S1PR2: variants seen among roughly 807,000 people sequenced by gnomAD.
The protein encoded by S1PR2 is sphingosine-1-phosphate receptor 2, also known as sphingosine 1-phosphate receptor 2.
In S1PR2, 9 loss-of-function variants were observed where a neutral mutation model predicts 16.1. The observed-to-expected ratio is 0.56, with a 90% confidence interval of 0.34 to 0.98. The LOEUF is 0.98. S1PR2 is among the 50% of genes least tolerant of loss of function. The probability of loss-of-function intolerance (pLI) is 0.02; values close to 1 mark genes in which losing one functional copy is unlikely to be tolerated. For synonymous variants in S1PR2, 224 were observed against 233.9 expected, an observed-to-expected ratio of 0.96 and a Z score of 0.38; for missense variants, 361 against 488.4, an observed-to-expected ratio of 0.74 and a Z score of 2.46.
chr19:10,230,613 C>T (rs1414460512), intron 1 of S1PR2: 5 of 153,128 alleles, frequency 3.3e-5, no homozygotes, highest in Middle Eastern at 1.2e-3. Context: ...CGCGCGCCTT[C>T]ACCCACGACC....
chr19:10,223,947 G>A lies in S1PR2; in HGVS notation c.959C>T (p.Thr320Ile). The A allele has an allele frequency of 1.2e-6, 2 of 1,604,090 alleles. No individual in the cohort carries two copies. The highest frequency in any genetic ancestry group is 1.7e-6 in the Non-Finnish European group (2 of 1,175,220). Residue 320 changes from threonine to isoleucine, a missense_variant, in exon 2 of 2, where the codon ACC becomes ATC. Physicochemically the swap from Thr to Ile is moderately conservative, Grantham distance 89. Transcript: ENST00000646641. ...VGVQGRRRGG[T>I]PGHHLLPLRS... ...GAGTGGCAGGAGGTGGTGGCCCGGG[G>A]TCCCGCCCCGCCTCCGTCCTTGCAC...
intron 1 of S1PR2, among the ~76,000 whole-genome samples, chr19:10,228,682 T>C (rs2039651140): frequency 6.6e-6 from 1 of 152,176 alleles, no homozygotes; most frequent in South Asian, 2.1e-4. Context: ...TTACCAGGTT[T>C]TGAGAAGGAC....
chr19:10,228,709 G>A (rs1297851382), intron 1 of S1PR2, among the ~76,000 whole-genome samples: 2 of 152,136 alleles, frequency 1.3e-5, no homozygotes, highest in South Asian at 2.1e-4. Flanking sequence ...CCTGTCTCCC[G>A]GTCACCTTCA....
rs779925683 is a variant in S1PR2 at position 10,223,866 on chromosome 19, A to G, written c.1040T>C (p.Leu347Pro). 3.2e-6 allele frequency: 5 copies of G among 1,546,870 alleles called. No individual in the cohort carries two copies. Among genetic ancestry groups the G allele is most frequent in the Non-Finnish European group, 4.4e-6 (5 of 1,147,610 alleles). Residue 347 changes from leucine to proline, a missense_variant, in exon 2 of 2, where the codon CTG becomes CCG. Transcript: ENST00000646641. ...CCCTCAGACCACCGTGTTGCCCTCC[A>G]GAAACGTGGGTGACGTGGGCATGTG... is the stretch of plus-strand genomic sequence containing the variant. Reference protein sequence around the residue: ...GMHMPTSPTFLEGNTVV With the variant: ...GMHMPTSPTFPEGNTVV
rs2039618011 is a variant in S1PR2 at position 10,224,554 on chromosome 19, C to G, written c.352G>C (p.Ala118Pro). The G allele has an allele frequency of 6.2e-7, 1 of 1,613,756 alleles. No individual in the cohort carries two copies. The highest frequency in any genetic ancestry group is 8.5e-7 in the Non-Finnish European group (1 of 1,180,054). ...REGSAFITLS[A>P]SVFSLLAIAI... ...ATGGCCAGGAGGCTGAAGACAGAGG[C>G]CGAGAGCGTGATGAAGGCAGAGCCC... is the stretch of plus-strand genomic sequence containing the variant. The change falls in exon 2 of 2, where the codon GCC becomes CCC. Residue 118 changes from alanine (A) to proline (P), a missense_variant. By Grantham distance (27) the Ala-to-Pro change is conservative. Transcript: ENST00000646641.
At position 10,222,554 on chromosome 19, in the gene S1PR2, T is replaced by C. The variant is rs2039599728; in HGVS notation, c.*1290A>G. The C allele has an allele frequency of 6.6e-6, 1 of 152,266 alleles. No homozygotes were observed. The highest frequency in any genetic ancestry group is 1.9e-4 in the East Asian group (1 of 5,324). 9.4% of individuals were successfully genotyped at this position (152,266 alleles called of 1,614,324 possible). ...AACTCGTTTTTCTCACTTTTGGTGATTATTCTGTGCCCCAAATAGTGCAAC... is the reference window on the plus strand; with the variant it reads ...AACTCGTTTTTCTCACTTTTGGTGACTATTCTGTGCCCCAAATAGTGCAAC... On this transcript the variant is annotated 3_prime_UTR_variant, in exon 2 of 2. Coordinates refer to ENST00000646641, the MANE Select transcript of S1PR2 (RefSeq NM_004230.4).
At chr19:10,230,363 G>A (rs1206097323) in intron 1 of S1PR2, 2 of 154,374 alleles carry the variant, frequency 1.3e-5, no homozygotes, top group Non-Finnish European at 2.9e-5. Flanking sequence ...GTCCCGCCTC[G>A]AGATTCTGGG....
At chr19:10,226,276 G>A (rs552693689) in intron 1 of S1PR2, among the ~76,000 whole-genome samples, 13 of 152,276 alleles carry the variant, frequency 8.5e-5, no homozygotes, top group African/African-American at 2.9e-4. Flanking sequence ...ACACCAGGGC[G>A]GCCCTGAGAT....
intron 1 of S1PR2, among the ~76,000 whole-genome samples, chr19:10,230,931 C>G (rs2039672685): frequency 6.6e-6 from 1 of 152,328 alleles, no homozygotes; most frequent in South Asian, 2.1e-4. Flanking sequence ...CCCAAAGACT[C>G]CAGTCGAAAG....
intron 1 of S1PR2, among the ~76,000 whole-genome samples, chr19:10,229,946 A>G (rs1599238388): frequency 6.6e-6 from 1 of 152,198 alleles, no homozygotes; most frequent in Non-Finnish European, 1.5e-5. Context: ...CCTGGCACAA[A>G]TAAAACACTC....
In S1PR2 at chr19:10,223,539, T is replaced by TC. The variant is rs2039607451; in HGVS notation, c.*304dup. 1 of 378,520 alleles carries TC rather than the reference T, an allele frequency of 2.6e-6. No individual in the cohort carries two copies. The highest frequency in any genetic ancestry group is 4.1e-5 in the Admixed American group (1 of 24,138). 23.4% of individuals were successfully genotyped at this position (378,520 alleles called of 1,614,324 possible). A position where few individuals can be genotyped will look rare whatever the true frequency, so the allele number is the denominator to read the frequency against. ...GTGGTAAAGTGCTCCTGCCCTGAGC[T>TC]CCCCTTAAATGCTGCCTGCCCTCAC... On this transcript the variant is annotated 3_prime_UTR_variant, in exon 2 of 2. Coordinates refer to ENST00000646641, the MANE Select transcript of S1PR2 (RefSeq NM_004230.4).
At position 10,229,145 on chromosome 19, in the gene S1PR2, G is replaced by A. The variant is rs545796921; in HGVS notation, c.-43+2059C>T. On this transcript the variant is annotated intron_variant, in intron 1 of 1. Coordinates refer to ENST00000646641, the MANE Select transcript of S1PR2 (RefSeq NM_004230.4). The stretch of plus-strand genomic sequence containing the variant: ...TGGCTCCCTATAGCCCAAGTAGGAT[G>A]GCCCCTGCCGATGAAGCCTCCTCCC... Among the ~76,000 whole-genome samples, 4 of 152,084 alleles carry A rather than the reference G, an allele frequency of 2.6e-5. No homozygotes were observed. The South Asian group carries it at 8.3e-4, about 32-fold the overall frequency.
At position 10,223,986 on chromosome 19, in the gene S1PR2, C is replaced by T. The variant is rs752564111; in HGVS notation, c.920G>A (p.Arg307Lys). 12 of 1,610,376 alleles carry T rather than the reference C, an allele frequency of 7.5e-6. No homozygotes were observed. In the African/African-American group the frequency reaches 9.4e-5, roughly 13 times the overall value. Reference protein sequence around the residue: ...REVLRPLQCWRPGVGVQGRRR... With the variant: ...REVLRPLQCWKPGVGVQGRRR... ...CCGTCCTTGCACCCCCACCCCCGGC[C>T]TCCAGCACTGCAGCGGCCGAAGCAC... The change falls in exon 2 of 2, where the codon AGG becomes AAG. Residue 307 changes from arginine to lysine, a missense_variant. Physicochemically the swap from Arg to Lys is conservative, Grantham distance 26. Transcript: ENST00000646641.
chr19:10,225,680 G>GAGCCACCGGGCCC (rs1177664537), intron 1 of S1PR2, among the ~76,000 whole-genome samples: 1 of 151,844 alleles, frequency 6.6e-6, no homozygotes, highest in Non-Finnish European at 1.5e-5. Context: ...TTACCAGTGT[G>GAGCCACCGGGCCC]AGCCACCGGG....
Position 10,223,818 on chromosome 19 carries a change from G to T in S1PR2, c.*26C>A, listed in dbSNP as rs370864731. ...CCTCTCCATGAACCCCTCTGCCCTGGCCTGGTTGTTGGTCCACCCCCACCC... is the reference window on the plus strand; with the variant it reads ...CCTCTCCATGAACCCCTCTGCCCTGTCCTGGTTGTTGGTCCACCCCCACCC... On this transcript the variant is annotated 3_prime_UTR_variant, in exon 2 of 2. Coordinates refer to ENST00000646641, the MANE Select transcript of S1PR2 (RefSeq NM_004230.4). The T allele has an allele frequency of 6.6e-6, 10 of 1,518,054 alleles. No homozygotes were observed. The African/African-American group carries it at 1.4e-4, about 21-fold the overall frequency. 94.0% of individuals were successfully genotyped at this position (1,518,054 alleles called of 1,614,324 possible). A position where few individuals can be genotyped will look rare whatever the true frequency, so the allele number is the denominator to read the frequency against.
At chr19:10,227,441 C>T (rs1177725007) in intron 1 of S1PR2, among the ~76,000 whole-genome samples, 1 of 152,182 alleles carries the variant, frequency 6.6e-6, no homozygotes, top group East Asian at 1.9e-4. Flanking sequence ...CAGACAAGGG[C>T]TTGTGCACGT....
At chr19:10,225,510 C>T (rs2039628457) in intron 1 of S1PR2, among the ~76,000 whole-genome samples, 1 of 150,000 alleles carries the variant, frequency 6.7e-6, no homozygotes, top group Admixed American at 6.8e-5. Context: ...GATTCTCCTG[C>T]CTCAGCTTCC....
intron 1 of S1PR2, among the ~76,000 whole-genome samples, chr19:10,226,557 T>C (rs1244257799): frequency 6.6e-6 from 1 of 152,052 alleles, no homozygotes; most frequent in Non-Finnish European, 1.5e-5. Context: ...CTCCAGTCCT[T>C]TGGGAAGGGA....
At chr19:10,225,641 G>A (rs1003698305) in intron 1 of S1PR2, among the ~76,000 whole-genome samples, 10 of 151,570 alleles carry the variant, frequency 6.6e-5, no homozygotes, top group East Asian at 1.9e-4. Context: ...CTCATGATCC[G>A]CCTGCCTCGG....
Sources: gnomAD v4.1 joint callset for allele counts (sites outside exome capture counted in the v4.1 genomes callset) on GRCh38, gnomAD v4.1.1 for gene constraint, MANE v1.5 for transcripts, NCBI Gene and HGNC (gene_info 2026-07-23, HGNC 2026-07-21) for gene names.